MUC3A: variants seen among roughly 807,000 people sequenced by gnomAD.
The protein encoded by MUC3A is mucin-3A.
A neutral mutation model predicts 109.0 loss-of-function variants in MUC3A; 109 were observed. The ratio of observed to expected loss-of-function variants is 1.00; its 90% CI spans 0.86 to 1.17. The LOEUF is 1.17. Among genes scored for constraint, MUC3A ranks in the 50% most tolerant of loss-of-function variants. The pLI is 0.00. For synonymous variants in MUC3A, 1,398 were observed against 981.4 expected (o/e 1.42, Z -7.93); for missense variants, 3,537 against 2,469.4 (o/e 1.43, Z -9.16).
In MUC3A at chr7:100,967,259, C is replaced by T. The variant is rs1792627974; in HGVS notation, c.*97C>T. On this transcript the variant is annotated 3_prime_UTR_variant, in exon 12 of 12. Transcript: ENST00000379458. ...AGAGGTGGCCCCAGGACGCGGGCAG[C>T]CCAGGCTCCTGCTGTTCTTGGGCAA... 1 of 1,546,748 alleles carries T rather than the reference C, an allele frequency of 6.5e-7. No homozygotes were observed. Among genetic ancestry groups the T allele is most frequent in the Non-Finnish European group, 8.7e-7 (1 of 1,144,640 alleles).
In MUC3A at chr7:100,959,876, A is replaced by G; in HGVS notation, c.8097A>G (p.Ile2699Met). The G allele has an allele frequency of 6.4e-7, 1 of 1,555,316 alleles. No individual in the cohort carries two copies. Among genetic ancestry groups the G allele is most frequent in the Non-Finnish European group, 8.6e-7 (1 of 1,158,978 alleles). ...CCTCTTCTCCATCTTCTGCCAGCAT[A>G]ACTCCAGTGTTTTCCACTACCATTC... is the stretch of plus-strand genomic sequence containing the variant. ...IMSSSPSSASITPVFSTTIHS... is the reference protein window; with the variant it reads ...IMSSSPSSASMTPVFSTTIHS... The change falls in exon 2 of 12, where the codon ATA becomes ATG. Residue 2699 changes from isoleucine (I) to methionine (M), a missense_variant. Ile to Met is a conservative substitution (Grantham distance 10, BLOSUM62 1). Coordinates refer to ENST00000379458, the MANE Select transcript of MUC3A (RefSeq NM_005960.2).
chr7:100,966,243 ATTC>A lies in MUC3A; in HGVS notation c.9612-142_9612-140del, dbSNP rs2116227835. On this transcript the variant is annotated intron_variant, in intron 8 of 11. Transcript: ENST00000379458. Reference sequence around the variant, plus strand: ...GCCCCGGCCCCTCGTTCTAGGGTGGATTCCCAGCCCCTTGTCTAGGGTGGAACC... The same window carrying A: ...GCCCCGGCCCCTCGTTCTAGGGTGGACCAGCCCCTTGTCTAGGGTGGAACC... 4 of 827,598 alleles carry A rather than the reference ATTC, an allele frequency of 4.8e-6. No individual in the cohort carries two copies. In the African/African-American group the frequency reaches 6.5e-5, roughly 13 times the overall value. The allele number at this position is 827,598 out of a possible 1,614,324, so 51.3% of individuals were successfully genotyped here. A position where few individuals can be genotyped will look rare whatever the true frequency, so the allele number is the denominator to read the frequency against.
intron 1 of MUC3A, among the ~76,000 whole-genome samples, chr7:100,950,936 C>T (rs1190271662): frequency 1.3e-5 from 2 of 152,294 alleles, no homozygotes; most frequent in African/African-American, 4.8e-5. Context: ...AGTCCTCACT[C>T]CATGCCCTTT....
At position 100,952,956 on chromosome 7, in the gene MUC3A, G is replaced by A. The variant is rs74991890; in HGVS notation, c.1177G>A (p.Glu393Lys). The A allele has an allele frequency of 6.4e-7, 1 of 1,558,730 alleles. No homozygotes were observed. ...GACAAACTTGGTAACCACCACCACT[G>A]AGATCTCCTCCCACAGTACTCCCAG... ...PMTNLVTTTT[E>K]ISSHSTPSFS... Residue 393 changes from glutamate (E) to lysine (K), a missense_variant, in exon 2 of 12, where the codon GAG (glutamate) becomes AAG (lysine). Transcript: ENST00000379458.
rs1563063025 is a variant in MUC3A, at chr7:100,955,678, ACACAGAGACTAT to A, written c.3900_3911del (p.Thr1301_Ile1304del). ...TCTGCCAGCAGTGCAGGGACCACTC[ACACAGAGACTAT>A]TTCCTCACTTCCAGCCAGCACCAAT... On this transcript the variant is annotated inframe_deletion, in exon 2 of 12. Transcript: ENST00000379458. 9.1e-5 allele frequency: 39 copies of A among 430,708 alleles called. No individual in the cohort carries two copies. Among genetic ancestry groups the A allele is most frequent in the Non-Finnish European group, 1.4e-4 (35 of 247,182 alleles). The allele number at this position is 430,708 out of a possible 1,614,324, so 26.7% of individuals were successfully genotyped here. A position where few individuals can be genotyped will look rare whatever the true frequency, so the allele number is the denominator to read the frequency against.
Position 100,956,691 on chromosome 7 carries a change from G to GATAC in MUC3A, c.4912_4913insATAC (p.Gly1638AspfsTer10). On this transcript the variant is annotated frameshift_variant, in exon 2 of 12. Coordinates refer to ENST00000379458, the MANE Select transcript of MUC3A (RefSeq NM_005960.2). LOFTEE classifies it high-confidence loss of function. ...CATGATGTCTGCTACCACTCCCAGT[G>GATAC]GAGGACCAACTTTCACAAGTACTGA... 1 of 397,090 alleles carries GATAC rather than the reference G, an allele frequency of 2.5e-6. No homozygotes were observed. The allele number at this position is 397,090 out of a possible 1,614,324, so 24.6% of individuals were successfully genotyped here.
rs754066879 is a variant in MUC3A at position 100,958,841 on chromosome 7, T to C, written c.7062T>C (p.Ser2354=). The change falls in exon 2 of 12, where the codon AGT becomes AGC. Residue 2354 remains serine (S), a synonymous_variant. Transcript: ENST00000379458. ...CCACCACCGAGACCAACTCTCACAG[T>C]ACTACCAGCTTCACTTCTTCGATCA... ...SITTTETNSH[S]TTSFTSSITT... is the part of the protein sequence containing the mutation. 6.5e-7 allele frequency: 1 copy of C among 1,548,570 alleles called. No homozygotes were observed. The highest frequency in any genetic ancestry group is 1.7e-4 in the Middle Eastern group (1 of 5,806).
Position 100,964,820 on chromosome 7 carries a change from T to A in MUC3A, c.9359T>A (p.Val3120Glu), listed in dbSNP as rs6960868. ...GGGCTGCAGAACGCCAGCCAGGATG[T>A]GAACAGCTGCCAGGACTCCCAGAGT... ...KEGLQNASQD[V>E]NSCQDSQTLC... Residue 3120 changes from valine to glutamate, a missense_variant, in exon 6 of 12, where the codon GTG (valine) becomes GAG (glutamate). Coordinates refer to ENST00000379458, the MANE Select transcript of MUC3A (RefSeq NM_005960.2). 3.6e-5 allele frequency: 58 copies of A among 1,594,536 alleles called. No individual in the cohort carries two copies. Among genetic ancestry groups the A allele is most frequent in the South Asian group, 4.4e-5 (4 of 90,624 alleles).
At chr7:100,961,502 C>T (rs1792325786) in intron 3 of MUC3A, among the ~76,000 whole-genome samples, 1 of 151,608 alleles carries the variant, frequency 6.6e-6, no homozygotes. Context: ...ACTTTGCCTC[C>T]TCCCCAAATA....
At position 100,959,492 on chromosome 7, in the gene MUC3A, T is replaced by G; in HGVS notation, c.7713T>G (p.Val2571=). 6.3e-7 allele frequency: 1 copy of G among 1,585,734 alleles called. No individual in the cohort carries two copies. The highest frequency in any genetic ancestry group is 2.2e-5 in the East Asian group (1 of 44,856). Residue 2571 remains valine, a synonymous_variant, in exon 2 of 12, where the codon GTT becomes GTG. Coordinates refer to ENST00000379458, the MANE Select transcript of MUC3A (RefSeq NM_005960.2). ...TCAGTTCCTTTAGCACAAGTATTGTTGTTATACCTGAAACCCCAACACAGA... is the reference window on the plus strand; with the variant it reads ...TCAGTTCCTTTAGCACAAGTATTGTGGTTATACCTGAAACCCCAACACAGA... ...TPISSFSTSI[V]VIPETPTQTP... is the part of the protein sequence containing the mutation.
intron 3 of MUC3A, among the ~76,000 whole-genome samples, chr7:100,962,552 G>A (rs1792363792): frequency 6.6e-6 from 1 of 152,312 alleles, no homozygotes; most frequent in Admixed American, 6.5e-5. Flanking sequence ...GGGGCAGCCA[G>A]GAGGGACCAC....
intron 5 of MUC3A, 80 bp from the exon 6 acceptor site, chr7:100,964,615 T>A: frequency 6.6e-7 from 1 of 1,519,734 alleles, no homozygotes; most frequent in Non-Finnish European, 8.8e-7. Flanking sequence ...CTGGTGCACT[T>A]TGGGTTGCTT....
In MUC3A at chr7:100,956,277, T is replaced by G; in HGVS notation, c.4498T>G (p.Ser1500Ala). The G allele has an allele frequency of 7.4e-6, 1 of 134,606 alleles. No homozygotes were observed. 8.3% of individuals were successfully genotyped at this position (134,606 alleles called of 1,614,324 possible). A position where few individuals can be genotyped will look rare whatever the true frequency, so the allele number is the denominator to read the frequency against. The change falls in exon 2 of 12, where the codon TCC becomes GCC. Residue 1500 changes from serine (S) to alanine (A), a missense_variant. Transcript: ENST00000379458. ...STATSLPPTSSLVSTAETAKT... is the reference protein window; with the variant it reads ...STATSLPPTSALVSTAETAKT... ...TGCCACCTCTCTTCCACCCACCTCT[T>G]CCTTGGTCTCAACCGCAGAAACAGC... is the stretch of plus-strand genomic sequence containing the variant.
rs1383716944 is a variant in MUC3A, at chr7:100,960,341, T to A, written c.8562T>A (p.Thr2854=). ...CTTCCAGTTCCACTGGCACTGGGAC[T>A]GTACCCACAAACACAGTTTTCACAA... The part of the protein sequence containing the change: ...PNASSSTGTG[T]VPTNTVFTST... Residue 2854 remains threonine, a synonymous_variant, in exon 2 of 12, where the codon ACT becomes ACA. Coordinates refer to ENST00000379458, the MANE Select transcript of MUC3A (RefSeq NM_005960.2). 1 of 1,598,548 alleles carries A rather than the reference T, an allele frequency of 6.3e-7. No individual in the cohort carries two copies. The highest frequency in any genetic ancestry group is 8.5e-7 in the Non-Finnish European group (1 of 1,179,828).
At chr7:100,966,243 A>AGACCCGGCCGCTTG in intron 8 of MUC3A, 143 bp from the exon 9 acceptor site, 2 of 827,614 alleles carry the variant, frequency 2.4e-6, no homozygotes, top group Non-Finnish European at 3.1e-6. Context: ...TCTAGGGTGG[A>AGACCCGGCCGCTTG]TTCCCAGCCC....
rs755539310 is a variant in MUC3A, at chr7:100,952,156, C to T, written c.377C>T (p.Thr126Ile). Residue 126 changes from threonine (T) to isoleucine (I), a missense_variant, in exon 2 of 12, where the codon ACT (threonine) becomes ATT (isoleucine). Physicochemically the swap from Thr to Ile is moderately conservative, Grantham distance 89 (BLOSUM62 -1). Transcript: ENST00000379458. ...ACCGTGTTGGTCTATTCAGCCACCA[C>T]TGAGTGCGTGTATCCAACGAGCTTT... Reference protein sequence around the residue: ...PPTVLVYSATTECVYPTSFII... With the variant: ...PPTVLVYSATIECVYPTSFII... 1.3e-6 allele frequency: 2 copies of T among 1,598,514 alleles called. No individual in the cohort carries two copies. The highest frequency in any genetic ancestry group is 1.1e-5 in the South Asian group (1 of 91,090).
At position 100,960,348 on chromosome 7, in the gene MUC3A, A is replaced by T. The variant is rs1466316435; in HGVS notation, c.8569A>T (p.Thr2857Ser). The change falls in exon 2 of 12, where the codon ACA becomes TCA. Residue 2857 changes from threonine to serine, a missense_variant. Thr to Ser is a moderately conservative substitution (Grantham distance 58). Coordinates refer to ENST00000379458, the MANE Select transcript of MUC3A (RefSeq NM_005960.2). Reference protein sequence around the residue: ...SSSTGTGTVPTNTVFTSTRLP... With the variant: ...SSSTGTGTVPSNTVFTSTRLP... ...TTCCACTGGCACTGGGACTGTACCC[A>T]CAAACACAGTTTTCACAAGTACTCG... The T allele has an allele frequency of 1.3e-6, 2 of 1,598,554 alleles. No homozygotes were observed. Among genetic ancestry groups the T allele is most frequent in the Non-Finnish European group, 1.7e-6 (2 of 1,179,828 alleles).
intron 8 of MUC3A, 183 bp downstream of exon 8, chr7:100,966,049 T>TCGCCCTAAAGTGGAGCCCCGCCTCC: frequency 5.8e-6 from 5 of 855,048 alleles, no homozygotes; most frequent in Non-Finnish European, 8.4e-6. Flanking sequence ...GCTCTGCTCC[T>TCGCCCTAAAGTGGAGCCCCGCCTCC]TTGATGGGGT....
chr7:100,954,685 C>T lies in MUC3A; in HGVS notation c.2906C>T (p.Thr969Ile). The change falls in exon 2 of 12, where the codon ACA (threonine) becomes ATA (isoleucine). Residue 969 changes from threonine (T) to isoleucine (I), a missense_variant. By Grantham distance (89) the Thr-to-Ile change is moderately conservative. Coordinates refer to ENST00000379458, the MANE Select transcript of MUC3A (RefSeq NM_005960.2). ...MEPPSSTVSTTGRGQTTFPSS... is the reference protein window; with the variant it reads ...MEPPSSTVSTIGRGQTTFPSS... ...CCACCTTCATCCACTGTATCAACTA[C>T]AGGCAGAGGTCAGACCACCTTTCCC... The T allele has an allele frequency of 5.0e-6, 2 of 400,480 alleles. No individual in the cohort carries two copies. The highest frequency in any genetic ancestry group is 4.4e-6 in the Non-Finnish European group (1 of 227,426). The allele number at this position is 400,480 out of a possible 1,614,324, so 24.8% of individuals were successfully genotyped here.
Sources: gnomAD v4.1 joint callset for allele counts (sites outside exome capture counted in the v4.1 genomes callset) on GRCh38, gnomAD v4.1.1 for gene constraint, MANE v1.5 for transcripts, NCBI Gene and HGNC (gene_info 2026-07-23, HGNC 2026-07-21) for gene names.